ERBB4: variants seen among roughly 807,000 people sequenced by gnomAD.
ERBB4 encodes the protein receptor tyrosine-protein kinase erbB-4.
In ERBB4, 42 loss-of-function variants were observed where a neutral mutation model predicts 158.0. That is an observed-to-expected ratio of 0.27 (90% CI 0.21 to 0.34). The LOEUF is 0.34. Among genes scored for constraint, ERBB4 ranks in the 10% least tolerant of loss-of-function variants. ERBB4 has a pLI of 1.00. For missense variants in ERBB4, 1,333 were observed against 1,624.1 expected, an observed-to-expected ratio of 0.82 and a Z score of 3.08; for synonymous variants, 583 against 558.7, an observed-to-expected ratio of 1.04 and a Z score of -0.61.
At chr2:212,401,608 G>A (rs571891209) in intron 1 of ERBB4, among the ~76,000 whole-genome samples, 1 of 152,060 alleles carries the variant, frequency 6.6e-6, no homozygotes. Flanking sequence ...CTTAGCTTAT[G>A]AAGTATTTAT....
intron 1 of ERBB4, among the ~76,000 whole-genome samples, chr2:212,215,486 T>C (rs1015679171): frequency 2.9e-4 from 44 of 151,532 alleles, no homozygotes; most frequent in Middle Eastern, 3.4e-3. Flanking sequence ...GAGTTATGAT[T>C]TCTTAATATT....
At chr2:212,062,651 C>T (rs959626917) in intron 2 of ERBB4, among the ~76,000 whole-genome samples, 3 of 151,992 alleles carry the variant, frequency 2.0e-5, no homozygotes, top group Non-Finnish European at 2.9e-5. Context: ...ATGATCTGCC[C>T]GCCTTGGCTT....
At chr2:212,324,692 GAAGAT>G (rs1560021483) in intron 1 of ERBB4, among the ~76,000 whole-genome samples, 1 of 150,262 alleles carries the variant, frequency 6.7e-6, no homozygotes, top group East Asian at 1.9e-4. Context: ...CTTCTTATGA[GAAGAT>G]TAGACAGAAT....
chr2:212,008,228 A>G (rs916409334), intron 2 of ERBB4, among the ~76,000 whole-genome samples: 1 of 152,060 alleles, frequency 6.6e-6, no homozygotes. Flanking sequence ...ACACATTACA[A>G]AATGCAAATT....
intron 12 of ERBB4, among the ~76,000 whole-genome samples, chr2:211,684,308 G>A (rs949400589): frequency 1.3e-5 from 2 of 152,058 alleles, no homozygotes; most frequent in African/African-American, 2.4e-5. Context: ...AAAATTAGCT[G>A]GGCATGGTGT....
chr2:212,269,912 G>T lies in ERBB4; in HGVS notation c.83-145009C>A, dbSNP rs182842637. 5.3e-5 allele frequency among the ~76,000 whole-genome samples: 8 copies of T among 151,776 alleles called. No individual in the cohort carries two copies. In the East Asian group the frequency reaches 1.6e-3, roughly 30 times the overall value. On this transcript the variant is annotated intron_variant, in intron 1 of 27. Coordinates refer to ENST00000342788, the MANE Select transcript of ERBB4 (RefSeq NM_005235.3). ...AACACCAAGTGCCTCTAAGTATCAC[G>T]TCAAAGAAATTCAATATTTCTGCCT...
chr2:211,792,125 A>AT (rs1276742804), intron 3 of ERBB4, among the ~76,000 whole-genome samples: 2 of 151,906 alleles, frequency 1.3e-5, no homozygotes, highest in East Asian at 3.9e-4. Flanking sequence ...TGCAATCAAT[A>AT]TTTATAAGGT....
At chr2:211,971,241 T>C (rs2081443156) in intron 2 of ERBB4, among the ~76,000 whole-genome samples, 1 of 152,166 alleles carries the variant, frequency 6.6e-6, no homozygotes, top group Non-Finnish European at 1.5e-5. Flanking sequence ...AGCTGAGAGC[T>C]CTGCAGTTAG....
intron 3 of ERBB4, among the ~76,000 whole-genome samples, chr2:211,860,041 T>C (rs931710275): frequency 2.0e-5 from 3 of 152,180 alleles, no homozygotes; most frequent in Admixed American, 6.5e-5. Flanking sequence ...ATGGTGGTTA[T>C]TATACGCCAA....
chr2:212,355,665 T>C (rs1394722043), intron 1 of ERBB4, among the ~76,000 whole-genome samples: 3 of 151,980 alleles, frequency 2.0e-5, no homozygotes, highest in Non-Finnish European at 4.4e-5. Context: ...AATAAACAGG[T>C]AGTCATCTTG....
At chr2:212,242,403 C>A (rs1197887852) in intron 1 of ERBB4, among the ~76,000 whole-genome samples, 1 of 151,928 alleles carries the variant, frequency 6.6e-6, no homozygotes, top group African/African-American at 2.4e-5. Flanking sequence ...TTTACACAGT[C>A]CCTATGAAAA....
intron 4 of ERBB4, 38 bp downstream of exon 4, chr2:211,787,987 G>C: frequency 6.2e-7 from 1 of 1,600,894 alleles, no homozygotes; most frequent in South Asian, 1.1e-5. Flanking sequence ...ACATAGGGTA[G>C]AACATTTTGA....
chr2:212,137,408 A>G (rs746536182), intron 1 of ERBB4, among the ~76,000 whole-genome samples: 6 of 152,074 alleles, frequency 3.9e-5, no homozygotes, highest in Non-Finnish European at 8.8e-5. Flanking sequence ...GCTCCCACTT[A>G]TAAGTGAGAA....
intron 3 of ERBB4, among the ~76,000 whole-genome samples, chr2:211,867,301 T>C (rs997290839): frequency 5.9e-5 from 9 of 152,260 alleles, no homozygotes; most frequent in African/African-American, 2.2e-4. Flanking sequence ...CAAATGGACC[T>C]GAAACTCACA....
chr2:212,363,505 A>G (rs1320222279), intron 1 of ERBB4, among the ~76,000 whole-genome samples: 1 of 151,550 alleles, frequency 6.6e-6, no homozygotes, highest in Non-Finnish European at 1.5e-5. Flanking sequence ...TTCAAAATGT[A>G]ATATTCACAT....
At chr2:211,833,979 A>T (rs180796017) in intron 3 of ERBB4, among the ~76,000 whole-genome samples, 37 of 152,176 alleles carry the variant, frequency 2.4e-4, no homozygotes, top group Non-Finnish European at 4.9e-4. Context: ...TATTCAGAGC[A>T]TTTACTATGA....
chr2:211,805,003 T>G (rs551591768), intron 3 of ERBB4, among the ~76,000 whole-genome samples: 8 of 150,298 alleles, frequency 5.3e-5, no homozygotes, highest in Admixed American at 4.0e-4. Flanking sequence ...CACTGCAACC[T>G]CCGCCTCAAA....
chr2:212,234,924 T>A (rs1444370123), intron 1 of ERBB4, among the ~76,000 whole-genome samples: 1 of 152,220 alleles, frequency 6.6e-6, no homozygotes, highest in South Asian at 2.1e-4. Context: ...TTCTGTAGGT[T>A]GCCTGTTCAC....
At chr2:211,615,490 T>C (rs1395393749) in intron 19 of ERBB4, among the ~76,000 whole-genome samples, 1 of 152,094 alleles carries the variant, frequency 6.6e-6, no homozygotes, top group African/African-American at 2.4e-5. Context: ...ATGATCTTTC[T>C]TTATGGGAAT....
Sources: gnomAD v4.1 joint callset for allele counts (sites outside exome capture counted in the v4.1 genomes callset) on GRCh38, gnomAD v4.1.1 for gene constraint, MANE v1.5 for transcripts, NCBI Gene and HGNC (gene_info 2026-07-23, HGNC 2026-07-21) for gene names.